The following HSPE1 variants were observed in gnomAD, a reference collection of about 807,000 sequenced individuals.
HSPE1 encodes heat shock protein family E (Hsp10) member 1.
In HSPE1, 1 loss-of-function variant was observed where a neutral mutation model predicts 13.2. The ratio of observed to expected loss-of-function variants is 0.08; its 90% CI spans 0.03 to 0.36. The LOEUF is 0.36. HSPE1 is among the 10% of genes least tolerant of loss of function. The pLI, the probability that HSPE1 is intolerant of heterozygous loss-of-function variation, is 0.99. For missense variants in HSPE1, 73 were observed against 118.7 expected (o/e 0.62, Z 1.79); for synonymous variants, 44 against 42.0 (o/e 1.05, Z -0.19).
intron 1 of HSPE1, 165 bp from the exon 2 acceptor site, chr2:197,500,909 T>A (rs2086244750): frequency 2.5e-6 from 2 of 804,904 alleles, no homozygotes; most frequent in Non-Finnish European, 3.9e-6. Context: ...GAATTAAACT[T>A]GGAATATTGG....
chr2:197,501,739 G>C (rs2086258491), intron 2 of HSPE1, among the ~76,000 whole-genome samples: 1 of 144,724 alleles, frequency 6.9e-6, no homozygotes, highest in Non-Finnish European at 1.5e-5. Flanking sequence ...CTGCATTCCA[G>C]TATGGGGGAC....
intron 1 of HSPE1, 155 bp from the exon 2 acceptor site, chr2:197,500,919 G>A (rs1448999292): frequency 1.2e-6 from 1 of 857,654 alleles, no homozygotes; most frequent in East Asian, 2.7e-5. Flanking sequence ...TGGAATATTG[G>A]TTAGTACATT....
In HSPE1 at chr2:197,501,066, TC is replaced by T. The variant is rs1324906128; in HGVS notation, c.4-6del. 4.4e-6 allele frequency: 7 copies of T among 1,597,430 alleles called. No individual in the cohort carries two copies. The highest frequency in any genetic ancestry group is 2.2e-5 in the East Asian group (1 of 44,858). On this transcript the variant is annotated splice_region_variant and splice_polypyrimidine_tract_variant and intron_variant, in intron 1 of 3. Coordinates refer to ENST00000233893, the MANE Select transcript of HSPE1 (RefSeq NM_002157.3). ...AGTTTTTGTTTCAAAACATTTCTCT[TC>T]CTACAGGCAGGACAAGCGTTTAGAA...
intron 2 of HSPE1, among the ~76,000 whole-genome samples, chr2:197,502,577 G>A (rs2086270440): frequency 6.6e-6 from 1 of 152,098 alleles, no homozygotes. Flanking sequence ...TCTTTGGAGG[G>A]AACAAAACAA....
rs1445538400 is a variant in HSPE1 at position 197,500,408 on chromosome 2, C to T, written c.-29C>T. On this transcript the variant is annotated 5_prime_UTR_variant, in exon 1 of 4. Transcript: ENST00000233893. ...GTCTCTTTGCGGCGCTACACTAGAG[C>T]AGAGTACGAGTCTGAGGCGGAGGGA... is the stretch of plus-strand genomic sequence containing the variant. 1.3e-6 allele frequency: 2 copies of T among 1,599,486 alleles called. No individual in the cohort carries two copies. The highest frequency in any genetic ancestry group is 1.1e-5 in the South Asian group (1 of 88,582).
chr2:197,502,856 A>G (rs1419025353), intron 2 of HSPE1, among the ~76,000 whole-genome samples, 183 bp from the exon 3 acceptor site: 3 of 152,246 alleles, frequency 2.0e-5, no homozygotes. Flanking sequence ...GTGTAACTAC[A>G]GTGGTATTTT....
Position 197,503,120 on chromosome 2 carries a change from G to C in HSPE1, c.250G>C (p.Asp84His). The change falls in exon 3 of 4, where the codon GAT (aspartate) becomes CAT (histidine). Residue 84 changes from aspartate (D) to histidine (H), a missense_variant. Transcript: ENST00000233893. ...PEYGGTKVVLDDKDYFLFRDG... is the reference protein window; with the variant it reads ...PEYGGTKVVLHDKDYFLFRDG... ...ATATGGAGGCACCAAAGTAGTTCTA[G>C]ATGACAAGGTGTGTAAACTTAATAA... 6.2e-7 allele frequency: 1 copy of C among 1,601,864 alleles called. No individual in the cohort carries two copies. Among genetic ancestry groups the C allele is most frequent in the Non-Finnish European group, 8.6e-7 (1 of 1,169,458 alleles).
chr2:197,500,553 G>T, intron 1 of HSPE1, 114 bp downstream of exon 1: 1 of 1,475,256 alleles, frequency 6.8e-7, no homozygotes, highest in South Asian at 1.2e-5. Flanking sequence ...GCCACTCAGT[G>T]ACCAGCGCCC....
rs370752631 is a variant in HSPE1, at chr2:197,500,650, A to AG, written c.3+217dup. The AG allele has an allele frequency of 1.4e-3, 975 of 704,142 alleles. 4 individuals are homozygous for AG. The African/African-American group carries it at 0.015, about 11-fold the overall frequency. 43.6% of individuals were successfully genotyped at this position (704,142 alleles called of 1,614,324 possible). On this transcript the variant is annotated intron_variant, in intron 1 of 3. Coordinates refer to ENST00000233893, the MANE Select transcript of HSPE1 (RefSeq NM_002157.3). ...CGCGTGTGCTGCCGGTGTGTAAGGC[A>AG]GGGGGGCGAGAACCCGGGCGCACGC...
chr2:197,500,384 T>G lies in HSPE1; in HGVS notation c.-53T>G. The G allele has an allele frequency of 6.3e-7, 1 of 1,585,378 alleles. No individual in the cohort carries two copies. Among genetic ancestry groups the G allele is most frequent in the Non-Finnish European group, 8.6e-7 (1 of 1,166,852 alleles). Reference sequence around the variant, plus strand: ...CGTGTCGCCAGGGCCGGACTGCGAGTCTCTTTGCGGCGCTACACTAGAGCA... The same window carrying G: ...CGTGTCGCCAGGGCCGGACTGCGAGGCTCTTTGCGGCGCTACACTAGAGCA... On this transcript the variant is annotated 5_prime_UTR_variant, in exon 1 of 4. Coordinates refer to ENST00000233893, the MANE Select transcript of HSPE1 (RefSeq NM_002157.3).
At chr2:197,500,543 G>A in intron 1 of HSPE1, 104 bp downstream of exon 1, 3 of 1,475,362 alleles carry the variant, frequency 2.0e-6, no homozygotes, top group South Asian at 1.2e-5. Flanking sequence ...GGGATTGGTG[G>A]CCACTCAGTG....
At chr2:197,500,500 C>T (rs1003634727) in intron 1 of HSPE1, 61 bp downstream of exon 1, 122 of 1,558,040 alleles carry the variant, frequency 7.8e-5, no homozygotes, top group Non-Finnish European at 1.0e-4. Flanking sequence ...TACGGGGATC[C>T]CTGACGCCCC....
chr2:197,500,650 A>G (rs1574607708), intron 1 of HSPE1: 1 of 704,144 alleles, frequency 1.4e-6, no homozygotes, highest in Non-Finnish European at 2.3e-6. Context: ...TGTGTAAGGC[A>G]GGGGGGCGAG....
At chr2:197,501,284 A>C in intron 2 of HSPE1, 46 bp downstream of exon 2, 1 of 1,532,724 alleles carries the variant, frequency 6.5e-7, no homozygotes, top group South Asian at 1.2e-5. Flanking sequence ...TGTGCAGTGG[A>C]GGGAAAAGAA....
intron 1 of HSPE1, 133 bp from the exon 2 acceptor site, chr2:197,500,941 C>G (rs1292768666): frequency 9.5e-7 from 1 of 1,051,086 alleles, no homozygotes; most frequent in Non-Finnish European, 1.4e-6. Context: ...AAATGCGCTT[C>G]CTTAACGAAT....
intron 2 of HSPE1, among the ~76,000 whole-genome samples, chr2:197,502,218 CT>C (rs775405489): frequency 1.3e-5 from 2 of 152,198 alleles, no homozygotes; most frequent in African/African-American, 2.4e-5. Context: ...AATCCCTAAA[CT>C]TTCTTAAAAC....
chr2:197,500,588 C>T, intron 1 of HSPE1, 149 bp downstream of exon 1: 3 of 1,208,624 alleles, frequency 2.5e-6, no homozygotes, highest in Non-Finnish European at 3.5e-6. Flanking sequence ...GCGGCAAGGC[C>T]CGCCCGACCC....
At chr2:197,500,626 G>C (rs1226586600) in intron 1 of HSPE1, 187 bp downstream of exon 1, 7 of 849,514 alleles carry the variant, frequency 8.2e-6, no homozygotes, top group Non-Finnish European at 1.3e-5. Context: ...CTTTGCACGC[G>C]CGTGTGCTGC....
chr2:197,503,002 A>G, intron 2 of HSPE1, 37 bp from the exon 3 acceptor site: 1 of 1,117,666 alleles, frequency 8.9e-7, no homozygotes, highest in Non-Finnish European at 1.3e-6. Context: ...TGGGTGAACT[A>G]GATATCTTTG....
Sources: gnomAD v4.1 joint callset for allele counts (sites outside exome capture counted in the v4.1 genomes callset) on GRCh38, gnomAD v4.1.1 for gene constraint, MANE v1.5 for transcripts, NCBI Gene and HGNC (gene_info 2026-07-23, HGNC 2026-07-21) for gene names.